Variants in WDPCP observed in about 807,000 individuals in gnomAD.
The protein encoded by WDPCP is WD repeat containing planar cell polarity effector, also known as WD repeat-containing and planar cell polarity effector protein fritz homolog.
Under a neutral mutation model 93.1 loss-of-function variants are expected in WDPCP, and 71 were observed. That is an observed-to-expected ratio of 0.76 (90% confidence interval 0.63 to 0.93). The LOEUF (loss-of-function observed/expected upper bound fraction) is 0.93. WDPCP is among the 40% of genes least tolerant of loss of function. The pLI is 0.00. For synonymous variants in WDPCP, 315 were observed against 315.0 expected (o/e 1.00, Z 0.00); for missense variants, 844 against 887.4 (o/e 0.95, Z 0.62).
chr2:63,611,249 T>C (rs1242476316), intron 3 of WDPCP, among the ~76,000 whole-genome samples: 3 of 152,242 alleles, frequency 2.0e-5, no homozygotes, highest in Admixed American at 6.5e-5. Flanking sequence ...TTTACTACTA[T>C]AAAGATGCTG....
chr2:63,580,040 G>A (rs988146677), intron 1 of WDPCP, among the ~76,000 whole-genome samples: 12 of 152,058 alleles, frequency 7.9e-5, no homozygotes, highest in Non-Finnish European at 5.9e-5. Context: ...GCCATGAGAT[G>A]ACCCTCACCA....
intron 12 of WDPCP, among the ~76,000 whole-genome samples, chr2:63,361,397 T>A (rs1690443881): frequency 6.6e-6 from 1 of 152,180 alleles, no homozygotes; most frequent in Non-Finnish European, 1.5e-5. Context: ...AAGCATGGGG[T>A]TACAGCCTCA....
intron 13 of WDPCP, among the ~76,000 whole-genome samples, chr2:63,312,219 T>C (rs563632966): frequency 6.6e-6 from 1 of 152,250 alleles, no homozygotes; most frequent in Non-Finnish European, 1.5e-5. Flanking sequence ...TGACATACAT[T>C]TAGAATTTAA....
chr2:63,464,570 A>G (rs988422874), intron 6 of WDPCP, among the ~76,000 whole-genome samples: 1 of 152,104 alleles, frequency 6.6e-6, no homozygotes, highest in Non-Finnish European at 1.5e-5. Context: ...GGTCTTGAAG[A>G]GATATTTGCA....
intron 2 of WDPCP, among the ~76,000 whole-genome samples, chr2:63,724,573 T>C (rs1484653952): frequency 6.6e-6 from 1 of 152,114 alleles, no homozygotes; most frequent in African/African-American, 2.4e-5. Flanking sequence ...GAGACAAATA[T>C]AAAATTTCAG....
chr2:63,211,842 T>C (rs183858114), intron 14 of WDPCP, among the ~76,000 whole-genome samples: 1 of 152,060 alleles, frequency 6.6e-6, no homozygotes, highest in Non-Finnish European at 1.5e-5. Context: ...CAGTAGCCAA[T>C]TCGATCAAGT....
chr2:63,751,968 G>A (rs1669889646), intron 2 of WDPCP: 1 of 637,416 alleles, frequency 1.6e-6, no homozygotes, highest in Non-Finnish European at 2.9e-6. Flanking sequence ...CATGACCACT[G>A]AAGTTTCCTC....
chr2:63,182,335 G>T (rs1674310017), intron 14 of WDPCP, among the ~76,000 whole-genome samples: 1 of 151,928 alleles, frequency 6.6e-6, no homozygotes, highest in Non-Finnish European at 1.5e-5. Context: ...TGCCTAGTTT[G>T]TTGAGGATTT....
At chr2:63,527,138 C>T (rs1259839444) in intron 1 of WDPCP, among the ~76,000 whole-genome samples, 1 of 151,798 alleles carries the variant, frequency 6.6e-6, no homozygotes, top group Non-Finnish European at 1.5e-5. Context: ...CAAGGCACTG[C>T]TTTGTTCTTG....
At chr2:63,541,731 A>C (rs1415744897) in intron 1 of WDPCP, among the ~76,000 whole-genome samples, 3 of 152,100 alleles carry the variant, frequency 2.0e-5, no homozygotes, top group African/African-American at 7.2e-5. Context: ...ATAACATCAA[A>C]CTAATAAGAC....
chr2:63,731,241 C>A (rs1156643567), intron 2 of WDPCP, among the ~76,000 whole-genome samples: 1 of 134,498 alleles, frequency 7.4e-6, no homozygotes, highest in African/African-American at 2.8e-5. Flanking sequence ...TGCACCCCTG[C>A]ATGGCAACAG....
intron 9 of WDPCP, among the ~76,000 whole-genome samples, chr2:63,414,355 A>G (rs1282509352): frequency 1.3e-5 from 2 of 152,166 alleles, no homozygotes; most frequent in Non-Finnish European, 2.9e-5. Context: ...AAAAGTCATT[A>G]TATTAAGAAG....
intron 3 of WDPCP, chr2:63,606,831 T>C (rs1427644057): frequency 7.0e-6 from 11 of 1,572,398 alleles, no homozygotes; most frequent in African/African-American, 1.4e-5. Flanking sequence ...AGTTCCAGTT[T>C]AAATCTCTTA....
At chr2:63,671,864 C>T (rs968434774) in intron 2 of WDPCP, among the ~76,000 whole-genome samples, 8 of 152,304 alleles carry the variant, frequency 5.3e-5, no homozygotes, top group Middle Eastern at 3.4e-3. Flanking sequence ...CTAACAGACC[C>T]TTACCATGCT....
intron 2 of WDPCP, among the ~76,000 whole-genome samples, chr2:63,798,986 A>G (rs1670657490): frequency 6.6e-6 from 1 of 152,196 alleles, no homozygotes; most frequent in East Asian, 1.9e-4. Context: ...TTGGTAGGTT[A>G]TCAGTGTTCC....
chr2:63,530,110 C>T (rs536695774), intron 1 of WDPCP, among the ~76,000 whole-genome samples: 19 of 152,208 alleles, frequency 1.2e-4, no homozygotes, highest in African/African-American at 4.6e-4. Flanking sequence ...AGTAGTCTTG[C>T]TAGCAGTCTA....
At chr2:63,285,287 A>G (rs1186873360) in intron 13 of WDPCP, among the ~76,000 whole-genome samples, 2 of 152,082 alleles carry the variant, frequency 1.3e-5, no homozygotes, top group East Asian at 3.9e-4. Context: ...AAACAAAATT[A>G]GCCGGGTGTG....
chr2:63,571,038 G>A (rs1471474412), intron 1 of WDPCP, among the ~76,000 whole-genome samples: 1 of 151,504 alleles, frequency 6.6e-6, no homozygotes, highest in Non-Finnish European at 1.5e-5. Flanking sequence ...CTGAACAGCT[G>A]GGACTACAGG....
intron 10 of WDPCP, among the ~76,000 whole-genome samples, chr2:63,393,498 G>A (rs758615229): frequency 2.6e-4 from 39 of 151,842 alleles, no homozygotes; most frequent in Non-Finnish European, 4.9e-4. Flanking sequence ...CCTGCATGTT[G>A]TGCACATGTA....
Sources: allele counts gnomAD v4.1 joint callset (sites outside exome capture counted in the v4.1 genomes callset), GRCh38; gene constraint gnomAD v4.1.1; transcripts MANE v1.5; gene names NCBI Gene and HGNC (gene_info 2026-07-23, HGNC 2026-07-21).